The following AFDN variants were observed in gnomAD, a reference collection of about 807,000 sequenced individuals.
AFDN encodes afadin.
A neutral mutation model predicts 216.6 loss-of-function variants in AFDN; 68 were observed. The ratio of observed to expected loss-of-function variants is 0.31; its 90% CI spans 0.26 to 0.38. AFDN has a LOEUF of 0.38. Ranked by LOEUF, AFDN falls within the 10% of genes least tolerant of loss-of-function variation. AFDN has a pLI of 1.00. For synonymous variants in AFDN, 868 were observed against 853.7 expected, an observed-to-expected ratio of 1.02 and a Z score of -0.29; for missense variants, 2,136 against 2,342.0, an observed-to-expected ratio of 0.91 and a Z score of 1.82.
chr6:167,856,709 G>GT (rs376105808), intron 1 of AFDN, among the ~76,000 whole-genome samples: 64 of 152,188 alleles, frequency 4.2e-4, no homozygotes, highest in African/African-American at 1.5e-3. Flanking sequence ...ACATGGAGAA[G>GT]TTGGTACTGT....
In AFDN at chr6:167,943,124, A is replaced by C. The variant is rs771079263; in HGVS notation, c.3100-5A>C. ...TGCAGTGTTTTCGCCTTGTTTTTGC[A>C]ATAGGGTGCTGGTCAAGATAAACTA... On this transcript the variant is annotated splice_polypyrimidine_tract_variant and splice_region_variant and intron_variant, in intron 23 of 33. Coordinates refer to ENST00000683244, the MANE Select transcript of AFDN (RefSeq NM_001386888.1). 5 of 1,612,614 alleles carry C rather than the reference A, an allele frequency of 3.1e-6. No individual in the cohort carries two copies. Among genetic ancestry groups the C allele is most frequent in the Middle Eastern group, 1.7e-4 (1 of 6,056 alleles).
chr6:167,848,088 C>G (rs1259418789), intron 1 of AFDN, among the ~76,000 whole-genome samples: 1 of 152,132 alleles, frequency 6.6e-6, no homozygotes, highest in African/African-American at 2.4e-5. Flanking sequence ...TTGATTTACC[C>G]TATGTGAAAC....
chr6:167,886,548 C>T (rs1240755351), intron 6 of AFDN, among the ~76,000 whole-genome samples: 3 of 151,840 alleles, frequency 2.0e-5, no homozygotes, highest in African/African-American at 7.3e-5. Context: ...CAATCCTGGG[C>T]CTTATAAGAT....
intron 5 of AFDN, among the ~76,000 whole-genome samples, chr6:167,880,040 G>A (rs1785916282): frequency 6.6e-6 from 1 of 152,070 alleles, no homozygotes; most frequent in Admixed American, 6.5e-5. Context: ...AAATTCTGGA[G>A]TTCCTTCCTT....
chr6:167,875,412 A>G lies in AFDN; in HGVS notation c.656A>G (p.Glu219Gly). Residue 219 changes from glutamate to glycine, a missense_variant, in exon 5 of 34, where the codon GAG becomes GGG. Glu to Gly is a moderately conservative substitution (Grantham distance 98). Around this residue, in one of 8 missense-constraint regions of AFDN, gnomAD observed 817 missense variants for 965.7 expected, o/e 0.85. Coordinates refer to ENST00000683244, the MANE Select transcript of AFDN (RefSeq NM_001386888.1). Reference protein sequence around the residue: ...TSFTRTISNPEVVMKRRRQQK... With the variant: ...TSFTRTISNPGVVMKRRRQQK... Reference sequence around the variant, plus strand: ...TTTACTCGAACCATTTCTAATCCTGAGGTGGTTATGAAACGACGGAGGCAG... The same window carrying G: ...TTTACTCGAACCATTTCTAATCCTGGGGTGGTTATGAAACGACGGAGGCAG... The G allele has an allele frequency of 6.2e-7, 1 of 1,613,996 alleles. No individual in the cohort carries two copies. The highest frequency in any genetic ancestry group is 8.5e-7 in the Non-Finnish European group (1 of 1,179,910).
At chr6:167,932,392 C>T (rs1793420749) in intron 23 of AFDN, among the ~76,000 whole-genome samples, 1 of 152,124 alleles carries the variant, frequency 6.6e-6, no homozygotes, top group Non-Finnish European at 1.5e-5. Flanking sequence ...GGTCAGCAGG[C>T]TACTTCTTGG....
Position 167,962,723 on chromosome 6 carries a change from T to C in AFDN, c.4968+156T>C, listed in dbSNP as rs974258719. Reference sequence around the variant, plus strand: ...AGCTTTGTGATTGGACCTGCAACTTTACCCCATCTGGCCCACCTACCTCTC... The same window carrying C: ...AGCTTTGTGATTGGACCTGCAACTTCACCCCATCTGGCCCACCTACCTCTC... On this transcript the variant is annotated intron_variant, in intron 31 of 33. Transcript: ENST00000683244. The surrounding 1 kb of genome is among the most constrained non-coding windows in gnomAD (Gnocchi z 5.2). 24 of 1,517,600 alleles carry C rather than the reference T, an allele frequency of 1.6e-5. No homozygotes were observed. Among genetic ancestry groups the C allele is most frequent in the Admixed American group, 2.1e-5 (1 of 48,340 alleles). The allele number at this position is 1,517,600 out of a possible 1,614,324, so 94.0% of individuals were successfully genotyped here.
At chr6:167,918,592 G>GT in intron 20 of AFDN, 143 bp from the exon 21 acceptor site, 1 of 779,464 alleles carries the variant, frequency 1.3e-6, no homozygotes, top group South Asian at 1.6e-5. Flanking sequence ...TGCTCCCTCC[G>GT]TAACCCTGCG....
intron 1 of AFDN, among the ~76,000 whole-genome samples, chr6:167,837,867 A>T (rs530810234): frequency 3.4e-4 from 52 of 152,364 alleles, no homozygotes; most frequent in Admixed American, 1.2e-3. Flanking sequence ...TTATAGGAAA[A>T]TAATATCCAA....
intron 26 of AFDN, 58 bp downstream of exon 26, chr6:167,944,117 C>G (rs1452210646): frequency 7.5e-7 from 1 of 1,332,266 alleles, no homozygotes; most frequent in African/African-American, 1.4e-5. Context: ...TGAATGGTCA[C>G]AAAACCCCCA....
intron 1 of AFDN, among the ~76,000 whole-genome samples, chr6:167,858,086 T>A (rs1049373974): frequency 6.6e-6 from 1 of 152,194 alleles, no homozygotes; most frequent in Non-Finnish European, 1.5e-5. Context: ...GAGTTAAACA[T>A]TTTTAAGAGT....
chr6:167,896,015 T>C (rs1403800671), intron 9 of AFDN, among the ~76,000 whole-genome samples: 1 of 152,106 alleles, frequency 6.6e-6, no homozygotes, highest in Admixed American at 6.5e-5. Context: ...AACTCTGAAA[T>C]CAGAATACCT....
chr6:167,856,147 C>T (rs906300311), intron 1 of AFDN, among the ~76,000 whole-genome samples: 2 of 152,074 alleles, frequency 1.3e-5, no homozygotes, highest in Admixed American at 6.5e-5. Flanking sequence ...TAGACTGCTG[C>T]GCTGCCACAG....
intron 1 of AFDN, among the ~76,000 whole-genome samples, chr6:167,853,322 G>C (rs768850787): frequency 2.6e-5 from 4 of 151,992 alleles, no homozygotes; most frequent in Non-Finnish European, 2.9e-5. Flanking sequence ...CATATTGCCA[G>C]TATTATTACT....
upstream of AFDN, chr6:167,826,716 A>G: frequency 2.3e-6 from 1 of 429,900 alleles, no homozygotes; most frequent in Non-Finnish European, 4.6e-6. Context: ...CCGCCAGTCC[A>G]GACGGAACCC....
intron 2 of AFDN, among the ~76,000 whole-genome samples, chr6:167,868,762 CTTTTTTTTTTTTTTTTTT>C (rs1784472123): frequency 8.2e-6 from 1 of 122,562 alleles, no homozygotes; most frequent in Non-Finnish European, 1.6e-5. Context: ...ATTGTGCAAT[CTTTTTTTTTTTTTTTTTT>C]GAGACAGGGT....
At chr6:167,874,855 T>C (rs1474888974) in intron 4 of AFDN, among the ~76,000 whole-genome samples, 1 of 152,096 alleles carries the variant, frequency 6.6e-6, no homozygotes, top group Non-Finnish European at 1.5e-5. Context: ...CCTCAGATTA[T>C]CCACCCACAT....
chr6:167,891,603 G>C (rs1175995723), intron 8 of AFDN, among the ~76,000 whole-genome samples: 2 of 151,812 alleles, frequency 1.3e-5, no homozygotes, highest in Admixed American at 1.3e-4. Context: ...TTTTTTTGTA[G>C]AACTCTTAAT....
Position 167,915,269 on chromosome 6 carries a change from A to G in AFDN, c.2401A>G (p.Ile801Val). ...GCTCTTCTCTCAGCTCTTCCACTTC[A>G]TCAATATGTGGCTGTTCAATAGATT... ...IQLFSQLFHF[I>V]NMWLFNRLVT... is the part of the protein sequence containing the mutation. The change falls in exon 19 of 34, where the codon ATC becomes GTC. Residue 801 changes from isoleucine (I) to valine (V), a missense_variant. Coordinates refer to ENST00000683244, the MANE Select transcript of AFDN (RefSeq NM_001386888.1). 2 of 1,614,196 alleles carry G rather than the reference A, an allele frequency of 1.2e-6. No homozygotes were observed. Among genetic ancestry groups the G allele is most frequent in the Admixed American group, 1.7e-5 (1 of 60,030 alleles).
Sources: gnomAD v4.1 joint callset for allele counts (sites outside exome capture counted in the v4.1 genomes callset) on GRCh38, gnomAD v4.1.1 for gene constraint, gnomAD v4.1.1 regional missense constraint, Gnocchi (gnomAD v3.1) non-coding constraint, MANE v1.5 for transcripts, NCBI Gene and HGNC (gene_info 2026-07-23, HGNC 2026-07-21) for gene names.